MATCAP2: variants seen among roughly 807,000 people sequenced by gnomAD.
MATCAP2 encodes the protein microtubule associated tyrosine carboxypeptidase 2, also known as putative tyrosine carboxypeptidase MATCAP2.
At chr7:36,353,481 C>T in the MATCAP2 span, among the ~76,000 whole-genome samples, 4 of 130,792 alleles carry the variant, frequency 3.1e-5, no homozygotes, top group Admixed American at 8.0e-5. Context: ...TGTTTATGCT[C>T]TTTTTTTTTT....
the MATCAP2 span, among the ~76,000 whole-genome samples, chr7:36,385,924 T>C: frequency 1.3e-5 from 2 of 151,970 alleles, no homozygotes; most frequent in African/African-American, 4.8e-5. Context: ...GGAGGTCTAG[T>C]TGGGTGGATC....
chr7:36,371,129 A>T, the MATCAP2 span, among the ~76,000 whole-genome samples: 18,527 of 152,174 alleles, frequency 0.12, 1,171 homozygotes, highest in East Asian at 0.19. Context: ...GTTTTGGGAC[A>T]GGGTCTCACT....
the MATCAP2 span, among the ~76,000 whole-genome samples, chr7:36,373,870 C>T: frequency 2.0e-5 from 3 of 151,922 alleles, no homozygotes; most frequent in African/African-American, 7.3e-5. Context: ...CTGCAACTTC[C>T]ATCTCCCAGG....
chr7:36,361,249 T>G, the MATCAP2 span, among the ~76,000 whole-genome samples: 1 of 152,132 alleles, frequency 6.6e-6, no homozygotes, highest in Non-Finnish European at 1.5e-5. Context: ...AACCCATCGG[T>G]ACCTCCCGTT....
the MATCAP2 span, among the ~76,000 whole-genome samples, chr7:36,344,762 G>A: frequency 2.0e-5 from 3 of 152,114 alleles, no homozygotes; most frequent in East Asian, 1.9e-4. Flanking sequence ...ATTGTTAGCA[G>A]GAAAACAGTT....
chr7:36,342,325 A>C, the MATCAP2 span, among the ~76,000 whole-genome samples: 1 of 150,410 alleles, frequency 6.6e-6, no homozygotes, highest in South Asian at 2.1e-4. Context: ...GATTACAGGC[A>C]CCTGCCACCA....
At chr7:36,370,264 G>A in the MATCAP2 span, among the ~76,000 whole-genome samples, 2 of 152,098 alleles carry the variant, frequency 1.3e-5, no homozygotes, top group East Asian at 1.9e-4. Context: ...CTGTCCAGTT[G>A]GCTGCTTTTG....
chr7:36,349,227 T>C, the MATCAP2 span, among the ~76,000 whole-genome samples: 1 of 152,152 alleles, frequency 6.6e-6, no homozygotes, highest in Non-Finnish European at 1.5e-5. Context: ...GACAGCAGTG[T>C]GGAGAGCAGG....
the MATCAP2 span, among the ~76,000 whole-genome samples, chr7:36,380,731 C>A: frequency 2.6e-5 from 4 of 152,266 alleles, no homozygotes; most frequent in South Asian, 6.2e-4. Context: ...TCTCTGACTG[C>A]TCTAAGGTTT....
chr7:36,379,839 C>A, the MATCAP2 span, among the ~76,000 whole-genome samples: 16 of 131,606 alleles, frequency 1.2e-4, no homozygotes, highest in Admixed American at 9.7e-4. Context: ...CACACACACA[C>A]ACACACACAG....
the MATCAP2 span, chr7:36,326,770 T>A: frequency 1.2e-6 from 2 of 1,612,882 alleles, no homozygotes; most frequent in South Asian, 2.2e-5. Context: ...CTATATAAGA[T>A]CTTTCAGTTC....
the MATCAP2 span, among the ~76,000 whole-genome samples, chr7:36,335,782 ACG>A: frequency 1.3e-5 from 1 of 77,130 alleles, no homozygotes; most frequent in Non-Finnish European, 3.0e-5. Context: ...GAAAAGAACT[ACG>A]ACTAGGCTGG....
At chr7:36,333,452 C>G in the MATCAP2 span, among the ~76,000 whole-genome samples, 2 of 151,932 alleles carry the variant, frequency 1.3e-5, no homozygotes, top group Non-Finnish European at 2.9e-5. Context: ...GATGGTTGTA[C>G]AACTCTGAAT....
chr7:36,337,098 CAAAAAAAA>C, the MATCAP2 span, among the ~76,000 whole-genome samples: 45 of 18,528 alleles, frequency 2.4e-3, no homozygotes, highest in South Asian at 0.01. Context: ...AACTCCATCT[CAAAAAAAA>C]AAAAAAAAAA....
the MATCAP2 span, among the ~76,000 whole-genome samples, chr7:36,370,437 G>A: frequency 5.3e-5 from 8 of 152,166 alleles, no homozygotes; most frequent in Admixed American, 1.3e-4. Flanking sequence ...TCAAGATCAA[G>A]TTAGGAATTT....
the MATCAP2 span, among the ~76,000 whole-genome samples, chr7:36,363,892 T>C: frequency 6.6e-6 from 1 of 152,186 alleles, no homozygotes; most frequent in Non-Finnish European, 1.5e-5. Context: ...TTAAATATTA[T>C]ATTCAGCTCC....
At chr7:36,330,016 G>A in the MATCAP2 span, among the ~76,000 whole-genome samples, 1 of 150,852 alleles carries the variant, frequency 6.6e-6, no homozygotes, top group East Asian at 1.9e-4. Context: ...CCATATTGTA[G>A]GAATTCTCAA....
At chr7:36,352,971 C>A in the MATCAP2 span, among the ~76,000 whole-genome samples, 1 of 152,176 alleles carries the variant, frequency 6.6e-6, no homozygotes, top group East Asian at 1.9e-4. Flanking sequence ...TCTATGCTTT[C>A]CCCTCAAGAT....
At chr7:36,342,701 T>C in the MATCAP2 span, among the ~76,000 whole-genome samples, 1 of 152,052 alleles carries the variant, frequency 6.6e-6, no homozygotes, top group African/African-American at 2.4e-5. Flanking sequence ...CTTGGCTCAC[T>C]GCAACTTCCA....
Sources: allele counts gnomAD v4.1 joint callset (sites outside exome capture counted in the v4.1 genomes callset), GRCh38; gene constraint gnomAD v4.1.1; transcripts MANE v1.5; gene names NCBI Gene and HGNC (gene_info 2026-07-23, HGNC 2026-07-21).